The following EPM2A variants were observed in gnomAD, a reference collection of about 807,000 sequenced individuals.
The protein encoded by EPM2A is laforin.
A neutral mutation model predicts 26.5 loss-of-function variants in EPM2A; 21 were observed. The observed-to-expected ratio is 0.79, with a 90% CI of 0.56 to 1.14. The LOEUF (loss-of-function observed/expected upper bound fraction) is 1.14. Ranked by LOEUF, EPM2A falls within the 50% of genes most tolerant of loss-of-function variation. The pLI is 0.00. For missense variants in EPM2A, 458 were observed against 440.8 expected (o/e 1.04, Z -0.35); for synonymous variants, 217 against 177.6 (o/e 1.22, Z -1.76).
intron 2 of EPM2A, among the ~76,000 whole-genome samples, chr6:145,515,727 A>G (rs1162515596): frequency 1.8e-4 from 28 of 152,212 alleles, no homozygotes; most frequent in Admixed American, 1.8e-3. Context: ...GGACATAAAC[A>G]TTCAAACCAC....
At chr6:145,571,610 A>C (rs1033941231) in intron 2 of EPM2A, among the ~76,000 whole-genome samples, 3 of 152,204 alleles carry the variant, frequency 2.0e-5, no homozygotes, top group Non-Finnish European at 2.9e-5. Flanking sequence ...CCTGCCACGA[A>C]GTAGCTGGCT....
chr6:145,705,322 T>A (rs1388923820), intron 1 of EPM2A, among the ~76,000 whole-genome samples: 2 of 151,962 alleles, frequency 1.3e-5, no homozygotes, highest in Non-Finnish European at 2.9e-5. Context: ...TATAGATATA[T>A]AGATATAGAT....
chr6:145,520,873 A>C (rs1051764805), intron 2 of EPM2A, among the ~76,000 whole-genome samples: 1 of 152,214 alleles, frequency 6.6e-6, no homozygotes, highest in Non-Finnish European at 1.5e-5. Flanking sequence ...CTTAAAAGAC[A>C]TGAAGAGTTG....
intron 2 of EPM2A, among the ~76,000 whole-genome samples, chr6:145,505,779 A>T (rs1163809563): frequency 6.6e-6 from 1 of 152,240 alleles, no homozygotes; most frequent in Non-Finnish European, 1.5e-5. Flanking sequence ...TTTTCTTAAT[A>T]AAAATTATAA....
At chr6:145,591,378 T>A (rs1408094051) in intron 2 of EPM2A, among the ~76,000 whole-genome samples, 1 of 151,972 alleles carries the variant, frequency 6.6e-6, no homozygotes, top group Non-Finnish European at 1.5e-5. Context: ...CAGGGCTAAA[T>A]AGCAAAATGC....
intron 2 of EPM2A, among the ~76,000 whole-genome samples, chr6:145,509,061 TAAC>T (rs1406034520): frequency 6.6e-6 from 1 of 152,090 alleles, no homozygotes; most frequent in Non-Finnish European, 1.5e-5. Flanking sequence ...TTTAAAAAAT[TAAC>T]AAAGCTTTTG....
At chr6:145,533,324 T>C (rs1359135703) in intron 2 of EPM2A, among the ~76,000 whole-genome samples, 2 of 152,194 alleles carry the variant, frequency 1.3e-5, no homozygotes, top group Non-Finnish European at 2.9e-5. Flanking sequence ...ACTCCTGCAA[T>C]AGCCTCATAA....
At position 145,627,295 on chromosome 6, in the gene EPM2A, G is replaced by T. The variant is rs1000920594; in HGVS notation, c.*121C>A. The stretch of plus-strand genomic sequence containing the variant: ...AAAGTCATCCCAGGTGAAAGTGGTT[G>T]GCTTGGGGGAGGTCACACAGTCCTT... On this transcript the variant is annotated 3_prime_UTR_variant, in exon 4 of 4. Transcript: ENST00000367519. The T allele has an allele frequency of 8.9e-6, 14 of 1,573,756 alleles. No homozygotes were observed. In the Admixed American group the frequency reaches 2.6e-4, roughly 29 times the overall value.
At chr6:145,454,115 G>T (rs1460767687) in intron 4 of EPM2A, among the ~76,000 whole-genome samples, 1 of 152,086 alleles carries the variant, frequency 6.6e-6, no homozygotes, top group African/African-American at 2.4e-5. Context: ...TTCTATGAAA[G>T]ATTTCAAAAT....
At chr6:145,461,125 C>A (rs1779324697) in intron 4 of EPM2A, among the ~76,000 whole-genome samples, 1 of 152,116 alleles carries the variant, frequency 6.6e-6, no homozygotes, top group African/African-American at 2.4e-5. Context: ...TATGATCTTT[C>A]TTTTACAGTG....
chr6:145,563,210 T>C (rs1398514097), intron 2 of EPM2A, among the ~76,000 whole-genome samples: 1 of 151,514 alleles, frequency 6.6e-6, no homozygotes, highest in African/African-American at 2.4e-5. Context: ...GTGGAGTGAA[T>C]GTGCCGGTTT....
At chr6:145,637,494 T>A (rs1404685120) in intron 2 of EPM2A, 1 of 152,014 alleles carries the variant, frequency 6.6e-6, no homozygotes, top group East Asian at 1.9e-4. Flanking sequence ...TCTACTTGTG[T>A]TCTTGTCTAA....
At chr6:145,385,572 G>A (rs1237486947) in intron 4 of EPM2A, among the ~76,000 whole-genome samples, 3 of 152,128 alleles carry the variant, frequency 2.0e-5, no homozygotes, top group Non-Finnish European at 4.4e-5. Flanking sequence ...CAAAGTCACA[G>A]AGGAATGCTT....
At chr6:145,441,023 T>C (rs1779055933) in intron 4 of EPM2A, among the ~76,000 whole-genome samples, 2 of 152,214 alleles carry the variant, frequency 1.3e-5, no homozygotes, top group Admixed American at 1.3e-4. Flanking sequence ...ACCCACATTT[T>C]CCCTCTGCAC....
At chr6:145,412,076 G>T (rs1470812220) in intron 4 of EPM2A, among the ~76,000 whole-genome samples, 3 of 151,982 alleles carry the variant, frequency 2.0e-5, no homozygotes, top group Non-Finnish European at 4.4e-5. Context: ...AATTGGCCGG[G>T]TGCGGTGGCA....
chr6:145,729,571 T>C (rs1282875280), intron 1 of EPM2A, among the ~76,000 whole-genome samples: 2 of 152,208 alleles, frequency 1.3e-5, no homozygotes, highest in Admixed American at 6.5e-5. Flanking sequence ...CTATAACCCC[T>C]TTGTTTTGAC....
At chr6:145,458,719 T>C (rs1206432386) in intron 4 of EPM2A, among the ~76,000 whole-genome samples, 4 of 152,092 alleles carry the variant, frequency 2.6e-5, no homozygotes, top group African/African-American at 9.7e-5. Context: ...TACATGTATA[T>C]GGAACCAAAA....
chr6:145,474,097 A>C (rs1052436553), intron 4 of EPM2A, among the ~76,000 whole-genome samples: 2 of 152,230 alleles, frequency 1.3e-5, no homozygotes, highest in Non-Finnish European at 2.9e-5. Flanking sequence ...ATAAAAAATC[A>C]TAAGTACAAC....
chr6:145,498,092 G>C (rs1562358865), downstream of EPM2A, among the ~76,000 whole-genome samples: 1 of 152,202 alleles, frequency 6.6e-6, no homozygotes, highest in Admixed American at 6.5e-5. Flanking sequence ...GAGCAGCTGT[G>C]CTGTGCTGGG....
Sources: gnomAD v4.1 joint callset for allele counts (sites outside exome capture counted in the v4.1 genomes callset) on GRCh38, gnomAD v4.1.1 for gene constraint, MANE v1.5 for transcripts, NCBI Gene and HGNC (gene_info 2026-07-23, HGNC 2026-07-21) for gene names.